The following GOLGA1 variants were observed in gnomAD, a reference collection of about 807,000 sequenced individuals.
The protein encoded by GOLGA1 is golgin A1.
GOLGA1 carries 63 observed loss-of-function variants against 119.7 expected under a neutral mutation model. The observed-to-expected ratio is 0.53, with a 90% confidence interval of 0.43 to 0.65. The LOEUF is 0.65. GOLGA1 is among the 30% of genes least tolerant of loss of function. The probability of loss-of-function intolerance (pLI) is 0.00; values close to 1 mark genes in which losing one functional copy is unlikely to be tolerated. For missense variants in GOLGA1, 798 were observed against 912.8 expected, an observed-to-expected ratio of 0.87 and a Z score of 1.62; for synonymous variants, 318 against 333.4, an observed-to-expected ratio of 0.95 and a Z score of 0.50.
At chr9:124,915,076 T>C (rs1435937802) in intron 10 of GOLGA1, among the ~76,000 whole-genome samples, 2 of 152,146 alleles carry the variant, frequency 1.3e-5, no homozygotes, top group East Asian at 3.8e-4. Flanking sequence ...TTCCTAATGA[T>C]CACCCTCTTC....
intron 16 of GOLGA1, 126 bp downstream of exon 16, chr9:124,890,263 C>G: frequency 1.5e-6 from 1 of 675,680 alleles, no homozygotes; most frequent in Middle Eastern, 4.0e-4. Flanking sequence ...ACTGCATTCC[C>G]TGAGTCCTGA....
intron 3 of GOLGA1, among the ~76,000 whole-genome samples, chr9:124,937,016 T>C (rs547047445): frequency 3.1e-4 from 47 of 152,226 alleles, no homozygotes; most frequent in Non-Finnish European, 6.2e-4. Context: ...GTAGAGGAAA[T>C]TGGAAGAAAC....
intron 2 of GOLGA1, among the ~76,000 whole-genome samples, chr9:124,939,751 G>A (rs1043825416): frequency 5.9e-5 from 9 of 151,752 alleles, no homozygotes; most frequent in Admixed American, 1.3e-4. Flanking sequence ...TAGTAGAGAC[G>A]AGGTTTCTCC....
chr9:124,931,658 T>C (rs1372612638), intron 3 of GOLGA1, among the ~76,000 whole-genome samples: 2 of 152,114 alleles, frequency 1.3e-5, no homozygotes, highest in Non-Finnish European at 2.9e-5. Context: ...TAATAGTAAA[T>C]AGATCCATTA....
Position 124,938,790 on chromosome 9 carries a change from G to A in GOLGA1, c.-79C>T, listed in dbSNP as rs1024429697. 3 of 1,290,580 alleles carry A rather than the reference G, an allele frequency of 2.3e-6. No homozygotes were observed. Among genetic ancestry groups the A allele is most frequent in the African/African-American group, 3.0e-5 (2 of 66,060 alleles). The allele number at this position is 1,290,580 out of a possible 1,614,324, so 79.9% of individuals were successfully genotyped here. On this transcript the variant is annotated 5_prime_UTR_variant, in exon 3 of 23. Coordinates refer to ENST00000373555, the MANE Select transcript of GOLGA1 (RefSeq NM_002077.4). ...CTGTGTTCAGGATTCAGACAGAGGC[G>A]CCTACAAAGTTTCAGACATCCAAGC...
intron 12 of GOLGA1, among the ~76,000 whole-genome samples, chr9:124,905,777 C>T (rs1240875363): frequency 2.0e-5 from 3 of 152,070 alleles, no homozygotes; most frequent in Non-Finnish European, 2.9e-5. Context: ...CCAAGATCAA[C>T]TTTAAAAAAT....
At chr9:124,899,210 C>G in intron 14 of GOLGA1, 119 bp downstream of exon 14, 1 of 860,586 alleles carries the variant, frequency 1.2e-6, no homozygotes, top group South Asian at 1.9e-5. Flanking sequence ...AAAAAAAAAG[C>G]TGCCTTCTAA....
intron 15 of GOLGA1, among the ~76,000 whole-genome samples, chr9:124,895,635 G>A (rs184838313): frequency 3.0e-4 from 36 of 120,376 alleles, no homozygotes; most frequent in South Asian, 2.0e-3. Context: ...GAGCCTCCAC[G>A]ACAGAGAGCC....
intron 15 of GOLGA1, among the ~76,000 whole-genome samples, chr9:124,891,846 T>C (rs886780647): frequency 1.3e-5 from 2 of 151,972 alleles, no homozygotes; most frequent in Non-Finnish European, 2.9e-5. Flanking sequence ...GGTTTCGCCA[T>C]GTTGGCCAGG....
At chr9:124,886,420 G>A (rs1426728514) in intron 19 of GOLGA1, among the ~76,000 whole-genome samples, 1 of 151,916 alleles carries the variant, frequency 6.6e-6, no homozygotes. Context: ...AGGCCAATCA[G>A]AGGGAAAATT....
chr9:124,911,528 GC>G (rs1423933243), intron 11 of GOLGA1, among the ~76,000 whole-genome samples: 4 of 152,250 alleles, frequency 2.6e-5, no homozygotes, highest in African/African-American at 4.8e-5. Flanking sequence ...GGTAATTCTT[GC>G]TTTTGCCAAG....
intron 12 of GOLGA1, 52 bp downstream of exon 12, chr9:124,908,325 T>A: frequency 1.1e-6 from 1 of 931,982 alleles, no homozygotes; most frequent in Non-Finnish European, 1.8e-6. Context: ...CATGTTGCCA[T>A]TCAGCCAGGT....
chr9:124,893,416 G>A (rs1395805758), intron 15 of GOLGA1, among the ~76,000 whole-genome samples: 1 of 152,090 alleles, frequency 6.6e-6, no homozygotes, highest in Non-Finnish European at 1.5e-5. Flanking sequence ...CTGAGCCCTT[G>A]TGAGTCTGTT....
At chr9:124,938,484 C>G in intron 3 of GOLGA1, 93 bp downstream of exon 3, 1 of 1,060,640 alleles carries the variant, frequency 9.4e-7, no homozygotes, top group South Asian at 1.3e-5. Flanking sequence ...CAGCTATAAA[C>G]CATGAAAGGT....
chr9:124,901,325 C>T (rs1830101193), intron 12 of GOLGA1, among the ~76,000 whole-genome samples: 1 of 148,278 alleles, frequency 6.7e-6, no homozygotes. Flanking sequence ...GGCTGGAGTG[C>T]AGTGGCGTGA....
intron 19 of GOLGA1, among the ~76,000 whole-genome samples, chr9:124,883,438 A>G (rs960795128): frequency 6.6e-6 from 1 of 151,988 alleles, no homozygotes; most frequent in Non-Finnish European, 1.5e-5. Flanking sequence ...GTTGTGTGCC[A>G]CCACACCCAG....
chr9:124,937,424 C>T lies in GOLGA1; in HGVS notation c.135+1153G>A, dbSNP rs1293162811. Reference sequence around the variant, plus strand: ...GCCGAGATTGTGCTGCTGCACTCCACCCTAGGTGACAGAGCGAGACCCTAT... The same window carrying T: ...GCCGAGATTGTGCTGCTGCACTCCATCCTAGGTGACAGAGCGAGACCCTAT... On this transcript the variant is annotated intron_variant, in intron 3 of 22. Transcript: ENST00000373555. Among the ~76,000 whole-genome samples the T allele has an allele frequency of 4.6e-5, 7 of 151,622 alleles. No homozygotes were observed. The South Asian group carries it at 1.3e-3, about 27-fold the overall frequency.
At chr9:124,910,074 G>A (rs929107284) in intron 11 of GOLGA1, among the ~76,000 whole-genome samples, 1 of 152,162 alleles carries the variant, frequency 6.6e-6, no homozygotes, top group Non-Finnish European at 1.5e-5. Context: ...GGGACTACAG[G>A]CATGTGCCAC....
chr9:124,912,847 A>G (rs1477090980), intron 10 of GOLGA1, among the ~76,000 whole-genome samples: 1 of 151,876 alleles, frequency 6.6e-6, no homozygotes, highest in Non-Finnish European at 1.5e-5. Flanking sequence ...TGGCCAGTCT[A>G]TCTCTTTAGC....
Sources: allele counts gnomAD v4.1 joint callset (sites outside exome capture counted in the v4.1 genomes callset), GRCh38; gene constraint gnomAD v4.1.1; transcripts MANE v1.5; gene names NCBI Gene and HGNC (gene_info 2026-07-23, HGNC 2026-07-21).